The following MARCHF1 variants were observed in gnomAD, a reference collection of about 807,000 sequenced individuals.
MARCHF1 encodes E3 ubiquitin-protein ligase MARCHF1.
In MARCHF1, 40 loss-of-function variants were observed where a neutral mutation model predicts 54.2. That is an observed-to-expected ratio of 0.74 (90% confidence interval 0.57 to 0.96). MARCHF1 has a LOEUF of 0.96. Among genes scored for constraint, MARCHF1 ranks in the 40% least tolerant of loss-of-function variants. The pLI is 0.00. For synonymous variants in MARCHF1, 236 were observed against 236.3 expected (o/e 1.00, Z 0.01); for missense variants, 586 against 656.5 (o/e 0.89, Z 1.17).
intron 4 of MARCHF1, among the ~76,000 whole-genome samples, chr4:163,798,028 C>T (rs756951619): frequency 8.5e-5 from 13 of 152,162 alleles, no homozygotes; most frequent in Non-Finnish European, 1.5e-4. Context: ...TGTGTTTGCA[C>T]TTAGGGGGTG....
intron 1 of MARCHF1, among the ~76,000 whole-genome samples, chr4:164,379,566 A>G (rs1224570043): frequency 1.3e-5 from 2 of 152,232 alleles, no homozygotes; most frequent in African/African-American, 2.4e-5. Context: ...ATACCTAGCA[A>G]TATATAGAAA....
At chr4:163,673,565 A>G (rs1743806254) in intron 5 of MARCHF1, among the ~76,000 whole-genome samples, 1 of 152,120 alleles carries the variant, frequency 6.6e-6, no homozygotes, top group African/African-American at 2.4e-5. Context: ...TATTAACCCT[A>G]AAATAGCCAT....
intron 3 of MARCHF1, among the ~76,000 whole-genome samples, chr4:163,977,632 A>G (rs968180107): frequency 6.6e-6 from 1 of 152,218 alleles, no homozygotes; most frequent in African/African-American, 2.4e-5. Flanking sequence ...GTAGAAATGA[A>G]TCAGGTCAAG....
intron 1 of MARCHF1, among the ~76,000 whole-genome samples, chr4:164,221,787 T>C (rs1025564054): frequency 6.6e-6 from 1 of 151,912 alleles, no homozygotes; most frequent in Non-Finnish European, 1.5e-5. Context: ...GAAGAAAAGG[T>C]AAAGGGTTAT....
intron 1 of MARCHF1, among the ~76,000 whole-genome samples, chr4:164,325,615 G>A (rs1006001649): frequency 4.6e-5 from 7 of 151,972 alleles, no homozygotes; most frequent in African/African-American, 1.4e-4. Flanking sequence ...TAAGACCTTA[G>A]TGATTCGAGA....
intron 4 of MARCHF1, among the ~76,000 whole-genome samples, chr4:163,731,260 C>T (rs1053989888): frequency 6.6e-6 from 1 of 152,156 alleles, no homozygotes; most frequent in African/African-American, 2.4e-5. Flanking sequence ...AGCACTGCAA[C>T]ATTGCATGGT....
chr4:163,743,133 G>A (rs981977658), intron 4 of MARCHF1, among the ~76,000 whole-genome samples: 4 of 152,124 alleles, frequency 2.6e-5, no homozygotes. Context: ...AGCTACTGGG[G>A]GAAGAGGACA....
At chr4:163,909,871 G>T (rs1352333337) in intron 3 of MARCHF1, among the ~76,000 whole-genome samples, 1 of 152,146 alleles carries the variant, frequency 6.6e-6, no homozygotes, top group Non-Finnish European at 1.5e-5. Context: ...CAATAAAAAT[G>T]AGATATGCTA....
chr4:164,195,490 C>T (rs545827731), intron 1 of MARCHF1, among the ~76,000 whole-genome samples: 6 of 151,970 alleles, frequency 3.9e-5, no homozygotes, highest in Admixed American at 2.0e-4. Context: ...TTTTTTATCC[C>T]CACAATTTCT....
chr4:163,700,921 G>C, intron 4 of MARCHF1, 58 bp from the exon 5 acceptor site: 1 of 1,185,836 alleles, frequency 8.4e-7, no homozygotes, highest in South Asian at 1.3e-5. Flanking sequence ...TCACCATACT[G>C]TACCACTGAG....
intron 1 of MARCHF1, among the ~76,000 whole-genome samples, chr4:164,368,227 TATC>T (rs1458795238): frequency 2.6e-5 from 4 of 151,144 alleles, no homozygotes; most frequent in Admixed American, 6.6e-5. Context: ...ATAAAAATAA[TATC>T]ATATAATTCT....
intron 3 of MARCHF1, chr4:163,932,795 C>T (rs554413483): frequency 1.8e-4 from 110 of 603,918 alleles, no homozygotes; most frequent in South Asian, 1.3e-3. Context: ...TGAGATCGAT[C>T]GGCACCATGG....
chr4:164,174,645 T>C (rs762345993), intron 1 of MARCHF1, among the ~76,000 whole-genome samples: 7 of 152,168 alleles, frequency 4.6e-5, no homozygotes, highest in Non-Finnish European at 8.8e-5. Context: ...TGATTAAGCT[T>C]ATAGGGATTC....
chr4:164,077,101 G>A (rs941323766), intron 2 of MARCHF1, among the ~76,000 whole-genome samples: 4 of 152,126 alleles, frequency 2.6e-5, no homozygotes, highest in African/African-American at 9.7e-5. Context: ...AACAAAGCTG[G>A]AGGCATCACG....
intron 5 of MARCHF1, among the ~76,000 whole-genome samples, chr4:163,641,984 G>T (rs1742570925): frequency 6.6e-6 from 1 of 151,942 alleles, no homozygotes; most frequent in African/African-American, 2.4e-5. Flanking sequence ...CTATTTTTGT[G>T]GACCTCTCAC....
At chr4:164,301,321 T>C (rs1734555471) in intron 1 of MARCHF1, among the ~76,000 whole-genome samples, 1 of 152,082 alleles carries the variant, frequency 6.6e-6, no homozygotes, top group Admixed American at 6.5e-5. Context: ...TTGCTAGAAA[T>C]TGACAAATGA....
intron 2 of MARCHF1, among the ~76,000 whole-genome samples, chr4:164,029,262 G>A (rs552814039): frequency 6.6e-6 from 1 of 152,218 alleles, no homozygotes; most frequent in South Asian, 2.1e-4. Context: ...GAGGCCTCAA[G>A]GAACTTACAA....
chr4:163,778,358 A>G (rs1003200462), intron 4 of MARCHF1, among the ~76,000 whole-genome samples: 1 of 152,184 alleles, frequency 6.6e-6, no homozygotes, highest in Non-Finnish European at 1.5e-5. Flanking sequence ...GCTTCACATG[A>G]CTAATATCTG....
chr4:164,168,856 C>A (rs1036613381), intron 1 of MARCHF1, among the ~76,000 whole-genome samples: 3 of 151,942 alleles, frequency 2.0e-5, no homozygotes, highest in Non-Finnish European at 4.4e-5. Flanking sequence ...ATTATGACAT[C>A]TTTTTTATGT....
Sources: allele counts gnomAD v4.1 joint callset (sites outside exome capture counted in the v4.1 genomes callset), GRCh38; gene constraint gnomAD v4.1.1; transcripts MANE v1.5; gene names NCBI Gene and HGNC (gene_info 2026-07-23, HGNC 2026-07-21).